GALNTL6: variants seen among roughly 807,000 people sequenced by gnomAD.
GALNTL6 encodes polypeptide N-acetylgalactosaminyltransferase-like 6.
Under a neutral mutation model 73.7 loss-of-function variants are expected in GALNTL6, and 46 were observed. The observed-to-expected ratio is 0.62, with a 90% CI of 0.49 to 0.80. GALNTL6 has a LOEUF of 0.80. GALNTL6 is among the 30% of genes least tolerant of loss of function. The pLI is 0.00. For missense variants in GALNTL6, 604 were observed against 755.0 expected (o/e 0.80, Z 2.34); for synonymous variants, 259 against 263.7 (o/e 0.98, Z 0.17).
intron 5 of GALNTL6, among the ~76,000 whole-genome samples, chr4:172,368,340 C>A: frequency 6.6e-6 from 1 of 152,094 alleles, no homozygotes; most frequent in East Asian, 1.9e-4. Flanking sequence ...GAGATCACGC[C>A]ATTGCACTCC....
intron 5 of GALNTL6, among the ~76,000 whole-genome samples, chr4:172,583,893 C>CA (rs57722016): frequency 0.16 from 5,084 of 31,476 alleles, 691 homozygotes; most frequent in Non-Finnish European, 0.22. Flanking sequence ...GACTCTGTCT[C>CA]AAAAAAAAAA....
intron 7 of GALNTL6, among the ~76,000 whole-genome samples, chr4:172,874,189 A>T (rs1745077969): frequency 6.6e-6 from 1 of 152,234 alleles, no homozygotes; most frequent in African/African-American, 2.4e-5. Flanking sequence ...TCCATTACGG[A>T]TGAAGTCACT....
chr4:172,490,110 G>A lies in GALNTL6; in HGVS notation c.553+141421G>A, dbSNP rs562140709. Among the ~76,000 whole-genome samples, 3 of 152,126 alleles carry A rather than the reference G, an allele frequency of 2.0e-5. No individual in the cohort carries two copies. In the East Asian group the frequency reaches 5.8e-4, roughly 29 times the overall value. On this transcript the variant is annotated intron_variant, in intron 5 of 12. Transcript: ENST00000506823. ...CTCTCTGCAGGAGTCTTGCCTCAGG[G>A]TTTTTAAATGGATGAATAATATATA...
intron 5 of GALNTL6, among the ~76,000 whole-genome samples, chr4:172,707,927 G>A (rs1258172471): frequency 1.3e-5 from 2 of 152,104 alleles, no homozygotes; most frequent in African/African-American, 2.4e-5. Context: ...TCCAGCAGGG[G>A]TGGGGTTGGG....
chr4:172,454,733 C>A (rs1732329032), intron 5 of GALNTL6, among the ~76,000 whole-genome samples: 1 of 152,330 alleles, frequency 6.6e-6, no homozygotes, highest in Non-Finnish European at 1.5e-5. Context: ...TGTACATCAA[C>A]CTGGATGCTC....
At position 172,747,982 on chromosome 4, in the gene GALNTL6, T is replaced by C. The variant is rs994829903; in HGVS notation, c.554-61379T>C. Among the ~76,000 whole-genome samples the C allele has an allele frequency of 3.0e-5, 4 of 135,356 alleles. No homozygotes were observed. In the Admixed American group the frequency reaches 3.2e-4, roughly 11 times the overall value. 88.8% of individuals were successfully genotyped at this position (135,356 alleles called of 152,430 possible). A position where few individuals can be genotyped will look rare whatever the true frequency, so the allele number is the denominator to read the frequency against. On this transcript the variant is annotated intron_variant, in intron 5 of 12. Coordinates refer to ENST00000506823, the MANE Select transcript of GALNTL6 (RefSeq NM_001034845.3). ...ACTGACACAGTTATTGCTAACAATG[T>C]TGTCAATAGGTTCTTGGAAACTGCA...
intron 5 of GALNTL6, among the ~76,000 whole-genome samples, chr4:172,443,121 C>CATAT (rs4048464): frequency 0.029 from 1,508 of 51,830 alleles, 26 homozygotes; most frequent in Non-Finnish European, 0.037. Flanking sequence ...GATCCATATA[C>CATAT]ATATATATAT....
At chr4:172,798,075 C>G (rs1385967318) in intron 5 of GALNTL6, among the ~76,000 whole-genome samples, 1 of 152,144 alleles carries the variant, frequency 6.6e-6, no homozygotes, top group Admixed American at 6.5e-5. Flanking sequence ...GTGACTTCCC[C>G]TTACTAATAA....
intron 2 of GALNTL6, among the ~76,000 whole-genome samples, chr4:171,865,505 T>G (rs890375875): frequency 2.0e-5 from 3 of 152,212 alleles, no homozygotes; most frequent in Non-Finnish European, 4.4e-5. Flanking sequence ...TCAGAATTAA[T>G]TAAAATAGGT....
intron 3 of GALNTL6, among the ~76,000 whole-genome samples, chr4:172,252,160 A>G (rs1380594812): frequency 6.6e-6 from 1 of 152,198 alleles, no homozygotes; most frequent in Non-Finnish European, 1.5e-5. Flanking sequence ...TATAATGGAT[A>G]TCAAGAAAGA....
At chr4:172,254,665 T>C (rs1738010475) in intron 3 of GALNTL6, among the ~76,000 whole-genome samples, 1 of 151,782 alleles carries the variant, frequency 6.6e-6, no homozygotes, top group Non-Finnish European at 1.5e-5. Flanking sequence ...GTAAAGAGCT[T>C]ACAGCCAATT....
intron 5 of GALNTL6, among the ~76,000 whole-genome samples, chr4:172,568,592 TA>T (rs1261754305): frequency 1.3e-5 from 2 of 151,088 alleles, no homozygotes; most frequent in Non-Finnish European, 3.0e-5. Flanking sequence ...CCGTCTCTAC[TA>T]AAAATACAAA....
intron 5 of GALNTL6, among the ~76,000 whole-genome samples, chr4:172,468,121 G>C (rs774624679): frequency 1.3e-5 from 2 of 151,916 alleles, no homozygotes; most frequent in Non-Finnish European, 2.9e-5. Context: ...CAAACTCCTA[G>C]CCTTAAGCAA....
intron 2 of GALNTL6, among the ~76,000 whole-genome samples, chr4:172,037,638 T>C (rs888445718): frequency 6.6e-6 from 1 of 152,176 alleles, no homozygotes; most frequent in Non-Finnish European, 1.5e-5. Context: ...CTTGTAGTTA[T>C]CTTTTTTATC....
chr4:172,430,397 A>C (rs1731400002), intron 5 of GALNTL6, among the ~76,000 whole-genome samples: 1 of 152,140 alleles, frequency 6.6e-6, no homozygotes, highest in African/African-American at 2.4e-5. Context: ...TCAGAATCCC[A>C]AAATCGAATT....
chr4:172,235,057 AT>A (rs1157622538), intron 3 of GALNTL6, among the ~76,000 whole-genome samples: 7 of 152,134 alleles, frequency 4.6e-5, no homozygotes, highest in African/African-American at 1.2e-4. Context: ...AAATGTTTAT[AT>A]TTATTAATAC....
chr4:172,532,853 C>T (rs771032367), intron 5 of GALNTL6, among the ~76,000 whole-genome samples: 8 of 151,840 alleles, frequency 5.3e-5, no homozygotes, highest in South Asian at 2.1e-4. Context: ...GAACTCTTAA[C>T]GGACAGACTT....
At chr4:172,306,762 C>T (rs1740155451) in intron 3 of GALNTL6, among the ~76,000 whole-genome samples, 1 of 152,216 alleles carries the variant, frequency 6.6e-6, no homozygotes, top group African/African-American at 2.4e-5. Flanking sequence ...TGGTCTACAG[C>T]TCCATACAGG....
intron 5 of GALNTL6, among the ~76,000 whole-genome samples, chr4:172,440,979 G>A (rs1731817205): frequency 6.6e-6 from 1 of 151,822 alleles, no homozygotes; most frequent in Non-Finnish European, 1.5e-5. Context: ...GTAGAGTGTT[G>A]AGTCATATTT....
Sources: allele counts gnomAD v4.1 joint callset (sites outside exome capture counted in the v4.1 genomes callset), GRCh38; gene constraint gnomAD v4.1.1; transcripts MANE v1.5; gene names NCBI Gene and HGNC (gene_info 2026-07-23, HGNC 2026-07-21).